TENM2: variants seen among roughly 807,000 people sequenced by gnomAD.
TENM2 encodes teneurin transmembrane protein 2.
In TENM2, 52 loss-of-function variants were observed where a neutral mutation model predicts 245.2. The ratio of observed to expected loss-of-function variants is 0.21; its 90% CI spans 0.17 to 0.27. TENM2 has a LOEUF of 0.27. TENM2 is among the 10% of genes least tolerant of loss of function. TENM2 has a pLI of 1.00. For missense variants in TENM2, 3,046 were observed against 3,666.8 expected (o/e 0.83, Z 4.37); for synonymous variants, 1,363 against 1,438.9 (o/e 0.95, Z 1.19).
At chr5:167,068,557 A>C in the TENM2 span, among the ~76,000 whole-genome samples, 1 of 152,322 alleles carries the variant, frequency 6.6e-6, no homozygotes, top group East Asian at 1.9e-4. Flanking sequence ...TTTTTATATT[A>C]AATCTGTCAG....
At chr5:167,243,512 A>T in the TENM2 span, among the ~76,000 whole-genome samples, 2 of 152,100 alleles carry the variant, frequency 1.3e-5, no homozygotes, top group African/African-American at 4.8e-5. Flanking sequence ...AGCTCAAAGA[A>T]TTGTTGTAGT....
exon 19 of TENM2, chr5:168,204,550 C>G (rs200720041): frequency 1.8e-4 from 291 of 1,613,912 alleles, no homozygotes; most frequent in Non-Finnish European, 2.2e-4. Flanking sequence ...ATGGGAGCCT[C>G]TATGTGGGTG....
chr5:167,684,167 G>T (rs1371688251), intron 2 of TENM2, among the ~76,000 whole-genome samples: 2 of 152,192 alleles, frequency 1.3e-5, no homozygotes, highest in East Asian at 1.9e-4. Context: ...CTGTGATGAG[G>T]TCTCTAATAC....
intron 2 of TENM2, among the ~76,000 whole-genome samples, chr5:167,631,415 G>T (rs1271543283): frequency 2.6e-5 from 4 of 152,084 alleles, no homozygotes; most frequent in Non-Finnish European, 5.9e-5. Context: ...CTACAATGAA[G>T]GTCTTAGTAT....
intron 2 of TENM2, among the ~76,000 whole-genome samples, chr5:167,550,917 C>T (rs764936720): frequency 1.3e-5 from 2 of 151,856 alleles, no homozygotes; most frequent in African/African-American, 2.4e-5. Context: ...TCAGTAGAGA[C>T]GGGGTATCAC....
intron 2 of TENM2, among the ~76,000 whole-genome samples, chr5:167,699,302 A>G (rs374968529): frequency 6.6e-6 from 1 of 152,104 alleles, no homozygotes; most frequent in Non-Finnish European, 1.5e-5. Flanking sequence ...AAGCCCAATA[A>G]AATGAATAAT....
chr5:167,856,521 C>T (rs1484609531), intron 2 of TENM2, among the ~76,000 whole-genome samples: 1 of 152,090 alleles, frequency 6.6e-6, no homozygotes, highest in Non-Finnish European at 1.5e-5. Flanking sequence ...AAAGTTAAGT[C>T]CTCTAAGGAT....
At chr5:168,112,600 A>AGTGG (rs1440184895) in intron 9 of TENM2, among the ~76,000 whole-genome samples, 3 of 14,328 alleles carry the variant, frequency 2.1e-4, no homozygotes, top group Non-Finnish European at 5.4e-4. Flanking sequence ...TACAGTGTGC[A>AGTGG]GTGGGCGGGG....
chr5:167,137,357 A>T, the TENM2 span, among the ~76,000 whole-genome samples: 1 of 152,216 alleles, frequency 6.6e-6, no homozygotes, highest in East Asian at 1.9e-4. Context: ...CTTATGATAC[A>T]TTTCATAAGA....
At chr5:167,677,894 TAGA>T (rs1171478265) in intron 2 of TENM2, among the ~76,000 whole-genome samples, 4 of 151,778 alleles carry the variant, frequency 2.6e-5, no homozygotes, top group Non-Finnish European at 4.4e-5. Context: ...ATTTATAATG[TAGA>T]AGAACTAGAA....
chr5:166,989,252 C>CTT, the TENM2 span, among the ~76,000 whole-genome samples: 3,732 of 56,970 alleles, frequency 0.066, 949 homozygotes, highest in African/African-American at 0.17. Context: ...CCAAGCTAAT[C>CTT]TTTTTTTTTT....
At chr5:167,275,713 T>C in the TENM2 span, among the ~76,000 whole-genome samples, 1 of 152,122 alleles carries the variant, frequency 6.6e-6, no homozygotes, top group African/African-American at 2.4e-5. Context: ...TTATATCCTA[T>C]GACTTCGAGG....
chr5:167,033,630 G>T, the TENM2 span, among the ~76,000 whole-genome samples: 1 of 152,218 alleles, frequency 6.6e-6, no homozygotes, highest in East Asian at 1.9e-4. Flanking sequence ...TAGTAATTTT[G>T]TACAGTCGCT....
intron 2 of TENM2, among the ~76,000 whole-genome samples, chr5:167,616,793 G>A (rs889596972): frequency 3.3e-5 from 5 of 152,036 alleles, no homozygotes; most frequent in African/African-American, 1.2e-4. Flanking sequence ...AAAGGGCAAT[G>A]CATGTTTATA....
the TENM2 span, among the ~76,000 whole-genome samples, chr5:167,085,719 C>T: frequency 6.6e-6 from 1 of 152,168 alleles, no homozygotes; most frequent in Non-Finnish European, 1.5e-5. Context: ...GATCACACAG[C>T]TCCTAAGTGG....
the TENM2 span, among the ~76,000 whole-genome samples, chr5:167,237,568 T>C: frequency 1.3e-5 from 2 of 152,236 alleles, no homozygotes; most frequent in African/African-American, 4.8e-5. Context: ...AGAATGTTCT[T>C]TAAAAGAAAG....
chr5:167,008,049 C>T, the TENM2 span, among the ~76,000 whole-genome samples: 4 of 152,166 alleles, frequency 2.6e-5, no homozygotes, highest in Non-Finnish European at 5.9e-5. Context: ...TTCCCCGTTC[C>T]TCTTCTCTAC....
intron 27 of TENM2, among the ~76,000 whole-genome samples, chr5:168,249,123 C>G (rs1314234347): frequency 8.6e-6 from 1 of 116,576 alleles, no homozygotes; most frequent in African/African-American, 3.5e-5. Flanking sequence ...GACCCTGTCT[C>G]AAAAAAAAAA....
chr5:167,019,472 T>C, the TENM2 span, among the ~76,000 whole-genome samples: 1,480 of 152,242 alleles, frequency 9.7e-3, 6 homozygotes, highest in Non-Finnish European at 0.015. Flanking sequence ...TTTTTGTTTT[T>C]TTTATTTTGC....
Sources: allele counts gnomAD v4.1 joint callset (sites outside exome capture counted in the v4.1 genomes callset), GRCh38; gene constraint gnomAD v4.1.1; transcripts MANE v1.5; gene names NCBI Gene and HGNC (gene_info 2026-07-23, HGNC 2026-07-21).